The following ART1 variants were observed in gnomAD, a reference collection of about 807,000 sequenced individuals.
ART1 encodes the protein GPI-linked NAD(P)(+)--arginine ADP-ribosyltransferase 1.
Under a neutral mutation model 27.0 loss-of-function variants are expected in ART1, and 29 were observed. That is an observed-to-expected ratio of 1.08 (90% CI 0.80 to 1.47). ART1 has a LOEUF of 1.47. ART1 is among the 40% of genes most tolerant of loss of function. The probability of loss-of-function intolerance (pLI) is 0.00; values close to 1 mark genes in which losing one functional copy is unlikely to be tolerated. For missense variants in ART1, 480 were observed against 423.0 expected, an observed-to-expected ratio of 1.13 and a Z score of -1.18; for synonymous variants, 201 against 172.2, an observed-to-expected ratio of 1.17 and a Z score of -1.31.
In ART1 at chr11:3,664,188, G is replaced by T. The variant is rs754820651; in HGVS notation, c.983G>T (p.Ter328LeuextTer65). Residue 328 changes from the stop codon to leucine, a stop_lost, in exon 5 of 5, where the codon TGA (stop) becomes TTA (leucine). Transcript: ENST00000250693. ...RAFPDGPGLL[*>L] ...TTTCCAGATGGTCCAGGCCTCCTTT[G>T]ATGCATGAGACACGGGACAGCCTCG... 2 of 1,613,502 alleles carry T rather than the reference G, an allele frequency of 1.2e-6. No homozygotes were observed. Among genetic ancestry groups the T allele is most frequent in the African/African-American group, 2.7e-5 (2 of 74,884 alleles).
At chr11:3,660,545 A>T (rs932306023) in intron 3 of ART1, among the ~76,000 whole-genome samples, 182 bp downstream of exon 3, 1 of 152,208 alleles carries the variant, frequency 6.6e-6, no homozygotes, top group African/African-American at 2.4e-5. Flanking sequence ...GGGTGCACTT[A>T]CTGCCCCTGA....
At position 3,660,149 on chromosome 11, in the gene ART1, C is replaced by T; in HGVS notation, c.630C>T (p.Ala210=). 6.2e-7 allele frequency: 1 copy of T among 1,613,940 alleles called. No individual in the cohort carries two copies. Among genetic ancestry groups the T allele is most frequent in the Non-Finnish European group, 8.5e-7 (1 of 1,180,012 alleles). The change falls in exon 3 of 5, where the codon GCC becomes GCT. Residue 210 remains alanine, a synonymous_variant. Coordinates refer to ENST00000250693, the MANE Select transcript of ART1 (RefSeq NM_004314.3). The stretch of plus-strand genomic sequence containing the variant: ...CTGCCTCCCTGAAGCATGTTGCAGC[C>T]CAGCAGTTTGGTGAGGACACCTTCT... The part of the protein sequence containing the change: ...FASASLKHVA[A]QQFGEDTFFG...
At chr11:3,651,418 TG>T (rs1255413575) in intron 1 of ART1, among the ~76,000 whole-genome samples, 1 of 139,100 alleles carries the variant, frequency 7.2e-6, no homozygotes, top group Non-Finnish European at 1.5e-5. Context: ...TGATAGTGTC[TG>T]ATTAATCTCC....
At chr11:3,653,512 G>A (rs970245311) in intron 1 of ART1, among the ~76,000 whole-genome samples, 3 of 150,746 alleles carry the variant, frequency 2.0e-5, no homozygotes, top group Non-Finnish European at 4.4e-5. Context: ...CCTATAAAAC[G>A]GACCCACCCT....
chr11:3,659,289 C>T lies in ART1; in HGVS notation c.63+13C>T, dbSNP rs1293887529. 2 of 1,614,094 alleles carry T rather than the reference C, an allele frequency of 1.2e-6. No homozygotes were observed. Among genetic ancestry groups the T allele is most frequent in the South Asian group, 2.2e-5 (2 of 91,078 alleles). On this transcript the variant is annotated intron_variant, in intron 2 of 4. Transcript: ENST00000250693. Reference sequence around the variant, plus strand: ...GGAAGCACTTCAGGTATGGGCATCCCCCACTGTTCCCACCCCAGCAGGGAA... The same window carrying T: ...GGAAGCACTTCAGGTATGGGCATCCTCCACTGTTCCCACCCCAGCAGGGAA...
At chr11:3,653,245 G>C (rs113157182) in intron 1 of ART1, among the ~76,000 whole-genome samples, 1,505 of 138,448 alleles carry the variant, frequency 0.011, 50 homozygotes, top group African/African-American at 0.034. Context: ...CCTCTGAGCC[G>C]AAGCTAAGCC....
intron 1 of ART1, among the ~76,000 whole-genome samples, chr11:3,652,034 T>G (rs2077526585): frequency 6.6e-6 from 1 of 151,676 alleles, no homozygotes; most frequent in Non-Finnish European, 1.5e-5. Context: ...TGGAAATCTA[T>G]CCTCAAGGAA....
Position 3,659,242 on chromosome 11 carries a change from T to G in ART1, c.29T>G (p.Leu10Arg), listed in dbSNP as rs758521813. Residue 10 changes from leucine (L) to arginine (R), a missense_variant, in exon 2 of 5, where the codon CTT (leucine) becomes CGT (arginine). By Grantham distance (102) the Leu-to-Arg change is moderately radical. Transcript: ENST00000250693. ...CAGATGCCTGCTATGATGTCTCTGC[T>G]TCTTGTGTCTGTGGGCCTCATGGAA... The part of the protein sequence containing the change: MQMPAMMSL[L>R]LVSVGLMEAL... 2 of 1,614,098 alleles carry G rather than the reference T, an allele frequency of 1.2e-6. No homozygotes were observed. The highest frequency in any genetic ancestry group is 1.7e-6 in the Non-Finnish European group (2 of 1,180,046).
At chr11:3,648,763 A>C (rs2077489692) in intron 1 of ART1, among the ~76,000 whole-genome samples, 1 of 151,788 alleles carries the variant, frequency 6.6e-6, no homozygotes, top group Non-Finnish European at 1.5e-5. Context: ...CCTTAGCGGC[A>C]AGTCCCGCTT....
At chr11:3,652,678 A>C (rs1205103583) in intron 1 of ART1, among the ~76,000 whole-genome samples, 1 of 151,884 alleles carries the variant, frequency 6.6e-6, no homozygotes. Flanking sequence ...CATCCCTACT[A>C]TCTTCTGTCT....
chr11:3,664,154 G>T lies in ART1; in HGVS notation c.949G>T (p.Val317Leu). ...SLLLLLWFLV[V>L]RAFPDGPGLL The stretch of plus-strand genomic sequence containing the variant: ...GCTGCTGCTGCTCTGGTTCCTCGTG[G>T]TGAGGGCCTTTCCAGATGGTCCAGG... Residue 317 changes from valine (V) to leucine (L), a missense_variant, in exon 5 of 5, where the codon GTG becomes TTG. By Grantham distance (32) the Val-to-Leu change is conservative. Transcript: ENST00000250693. 1 of 1,614,044 alleles carries T rather than the reference G, an allele frequency of 6.2e-7. No homozygotes were observed. The highest frequency in any genetic ancestry group is 8.5e-7 in the Non-Finnish European group (1 of 1,180,032).
At position 3,659,867 on chromosome 11, in the gene ART1, G is replaced by A. The variant is rs139321904; in HGVS notation, c.348G>A (p.Val116=). 1.6e-4 allele frequency: 260 copies of A among 1,612,642 alleles called. No homozygotes were observed. The African/African-American group carries it at 3.1e-3, about 19-fold the overall frequency. The change falls in exon 3 of 5, where the codon GTG becomes GTA. Residue 116 remains valine (V), a synonymous_variant. Coordinates refer to ENST00000250693, the MANE Select transcript of ART1 (RefSeq NM_004314.3). ...TGGGCTTCCGCGATGAGCATGGGGT[G>A]GCCCTCCTGGCCTACACAGCCAACA... ...PPLGFRDEHG[V]ALLAYTANSP...
intron 4 of ART1, 28 bp from the exon 5 acceptor site, chr11:3,664,064 C>T (rs1251842537): frequency 6.2e-7 from 1 of 1,610,724 alleles, no homozygotes. Flanking sequence ...TCTCTCTCCC[C>T]CAACCTCTCT....
At chr11:3,661,950 G>C (rs1475240740) in intron 4 of ART1, among the ~76,000 whole-genome samples, 1 of 152,220 alleles carries the variant, frequency 6.6e-6, no homozygotes, top group Non-Finnish European at 1.5e-5. Context: ...TCTCCAGCCT[G>C]GATCTGCCTA....
chr11:3,663,986 A>G, intron 4 of ART1, 106 bp from the exon 5 acceptor site: 3 of 1,025,628 alleles, frequency 2.9e-6, no homozygotes, highest in Non-Finnish European at 4.3e-6. Flanking sequence ...CACTCTGCCA[A>G]TCTCTCCACC....
chr11:3,660,410 C>T (rs2077612338), intron 3 of ART1, 47 bp downstream of exon 3: 2 of 1,555,556 alleles, frequency 1.3e-6, no homozygotes, highest in Non-Finnish European at 1.7e-6. Context: ...GGTGGACCTT[C>T]CACATCCACC....
At position 3,660,038 on chromosome 11, in the gene ART1, G is replaced by T; in HGVS notation, c.519G>T (p.Arg173=). 9.3e-6 allele frequency: 15 copies of T among 1,613,704 alleles called. No individual in the cohort carries two copies. Among genetic ancestry groups the T allele is most frequent in the Non-Finnish European group, 1.2e-5 (14 of 1,179,922 alleles). ...QLLGSGQRPP[R]CHQVFRGVHG... is the part of the protein sequence containing the mutation. Reference sequence around the variant, plus strand: ...TGGGCAGCGGCCAGCGTCCACCCCGGTGCCACCAGGTGTTCCGAGGTGTGC... The same window carrying T: ...TGGGCAGCGGCCAGCGTCCACCCCGTTGCCACCAGGTGTTCCGAGGTGTGC... Residue 173 remains arginine (R), a synonymous_variant, in exon 3 of 5, where the codon CGG becomes CGT. Transcript: ENST00000250693.
chr11:3,661,340 G>A (rs1000661713), intron 3 of ART1, 32 bp from the exon 4 acceptor site: 2 of 1,604,608 alleles, frequency 1.2e-6, no homozygotes, highest in African/African-American at 2.7e-5. Flanking sequence ...CAGCTCCTGA[G>A]CCTTTCATTC....
chr11:3,660,169 CCTT>C lies in ART1; in HGVS notation c.655_657del (p.Phe219del). On this transcript the variant is annotated inframe_deletion, in exon 3 of 5. Transcript: ENST00000250693. Reference sequence around the variant, plus strand: ...GCAGCCCAGCAGTTTGGTGAGGACACCTTCTTCGGCATCTGGACCTGCCTTGGG... The same window carrying C: ...GCAGCCCAGCAGTTTGGTGAGGACACCTTCGGCATCTGGACCTGCCTTGGG... The C allele has an allele frequency of 6.2e-7, 1 of 1,614,062 alleles. No individual in the cohort carries two copies. The highest frequency in any genetic ancestry group is 8.5e-7 in the Non-Finnish European group (1 of 1,180,038).
Sources: allele counts gnomAD v4.1 joint callset (sites outside exome capture counted in the v4.1 genomes callset), GRCh38; gene constraint gnomAD v4.1.1; transcripts MANE v1.5; gene names NCBI Gene and HGNC (gene_info 2026-07-23, HGNC 2026-07-21).